Variants in SPIRE1 observed in about 807,000 individuals in gnomAD.
The protein encoded by SPIRE1 is protein spire homolog 1.
Under a neutral mutation model 94.1 loss-of-function variants are expected in SPIRE1, and 40 were observed. The observed-to-expected ratio is 0.43, with a 90% confidence interval of 0.33 to 0.55. SPIRE1 has a LOEUF of 0.55. Ranked by LOEUF, SPIRE1 falls within the 20% of genes least tolerant of loss-of-function variation. The pLI, the probability that SPIRE1 is intolerant of heterozygous loss-of-function variation, is 0.06. For synonymous variants in SPIRE1, 376 were observed against 371.7 expected (o/e 1.01, Z -0.13); for missense variants, 838 against 975.2 (o/e 0.86, Z 1.87).
At chr18:12,608,874 G>A (rs965897080) in intron 2 of SPIRE1, among the ~76,000 whole-genome samples, 1 of 152,164 alleles carries the variant, frequency 6.6e-6, no homozygotes, top group Non-Finnish European at 1.5e-5. Context: ...TCACAAAGAA[G>A]CAAAACTGAG....
At position 12,657,557 on chromosome 18, in the gene SPIRE1, C is replaced by G; in HGVS notation, c.310G>C (p.Asp104His). Reference protein sequence around the residue: ...GAVTLAPAADDAGEPPPVAGK... With the variant: ...GAVTLAPAADHAGEPPPVAGK... ...GCAACTGGGGGCGGCTCTCCCGCGT[C>G]GTCGGCCGCGGGCGCCAGGGTGACG... Residue 104 changes from aspartate (D) to histidine (H), a missense_variant, in exon 1 of 17, where the codon GAC (aspartate) becomes CAC (histidine). Physicochemically the swap from Asp to His is moderately conservative, Grantham distance 81 (BLOSUM62 -1). Coordinates refer to ENST00000409402, the MANE Select transcript of SPIRE1 (RefSeq NM_001128626.2). 8.1e-7 allele frequency: 1 copy of G among 1,235,864 alleles called. No individual in the cohort carries two copies. Among genetic ancestry groups the G allele is most frequent in the Non-Finnish European group, 1.0e-6 (1 of 990,200 alleles). The allele number at this position is 1,235,864 out of a possible 1,614,324, so 76.6% of individuals were successfully genotyped here. A position where few individuals can be genotyped will look rare whatever the true frequency, so the allele number is the denominator to read the frequency against.
At chr18:12,574,892 A>G (rs1229575885) in intron 2 of SPIRE1, among the ~76,000 whole-genome samples, 1 of 152,260 alleles carries the variant, frequency 6.6e-6, no homozygotes, top group African/African-American at 2.4e-5. Flanking sequence ...AGGCATCGTC[A>G]TATGTACTGA....
rs536133550 is a variant in SPIRE1, at chr18:12,605,420, C to T, written c.372+29642G>A. ...ACTCAGGAGGCTGAGGCAGGGGAAT[C>T]GCTTGAACCCGGCAGGCGGAGGTCG... On this transcript the variant is annotated intron_variant, in intron 2 of 16. Coordinates refer to ENST00000409402, the MANE Select transcript of SPIRE1 (RefSeq NM_001128626.2). Among the ~76,000 whole-genome samples, 161 of 152,276 alleles carry T rather than the reference C, an allele frequency of 1.1e-3. 1 individual carries two copies. In the South Asian group the frequency reaches 0.031, roughly 30 times the overall value.
At chr18:12,461,484 A>ATGTACATATGTACGTACATACATG (rs1568183909) in intron 12 of SPIRE1, among the ~76,000 whole-genome samples, 1 of 47,376 alleles carries the variant, frequency 2.1e-5, no homozygotes, top group South Asian at 1.1e-3. Flanking sequence ...GTACATACAT[A>ATGTACATATGTACGTACATACATG]TGTGTGTATG....
At chr18:12,512,150 A>T (rs1021704637) in intron 5 of SPIRE1, among the ~76,000 whole-genome samples, 5 of 152,172 alleles carry the variant, frequency 3.3e-5, no homozygotes, top group African/African-American at 9.7e-5. Flanking sequence ...GGATCACATA[A>T]GGTCAGGAGT....
At chr18:12,630,586 G>C (rs2037747424) in intron 2 of SPIRE1, among the ~76,000 whole-genome samples, 1 of 152,236 alleles carries the variant, frequency 6.6e-6, no homozygotes, top group Non-Finnish European at 1.5e-5. Context: ...TTGAACCTGG[G>C]AGGCAGAGGT....
At chr18:12,545,983 G>A (rs569824978) in intron 3 of SPIRE1, among the ~76,000 whole-genome samples, 24 of 151,484 alleles carry the variant, frequency 1.6e-4, no homozygotes, top group Non-Finnish European at 2.2e-4. Context: ...CCGAATCACC[G>A]TTCTTTATTA....
At chr18:12,514,862 A>G (rs2034149186) in intron 4 of SPIRE1, among the ~76,000 whole-genome samples, 2 of 152,218 alleles carry the variant, frequency 1.3e-5, no homozygotes, top group Non-Finnish European at 2.9e-5. Context: ...AAAGAAATGC[A>G]TTTCTAATAC....
At chr18:12,631,548 C>CA (rs869278182) in intron 2 of SPIRE1, among the ~76,000 whole-genome samples, 6,377 of 63,724 alleles carry the variant, frequency 0.1, 1,204 homozygotes, top group African/African-American at 0.18. Context: ...CCCATCTCTA[C>CA]AAAAAAAAAA....
upstream of SPIRE1, among the ~76,000 whole-genome samples, chr18:12,660,184 G>C (rs1294960108): frequency 2.0e-5 from 3 of 152,046 alleles, no homozygotes; most frequent in Non-Finnish European, 4.4e-5. Context: ...TGCTAACCCT[G>C]GCATAGAGCA....
At chr18:12,519,041 T>A (rs1375657129) in intron 4 of SPIRE1, among the ~76,000 whole-genome samples, 2 of 152,210 alleles carry the variant, frequency 1.3e-5, no homozygotes, top group Non-Finnish European at 2.9e-5. Flanking sequence ...TGTGTCAAAC[T>A]TTATGGTGCA....
At chr18:12,521,930 T>A (rs1182523542) in intron 4 of SPIRE1, among the ~76,000 whole-genome samples, 1 of 152,102 alleles carries the variant, frequency 6.6e-6, no homozygotes, top group Admixed American at 6.6e-5. Context: ...CATTCCCCCA[T>A]CTCTCTCCCT....
At chr18:12,547,134 G>A (rs1378778703) in intron 2 of SPIRE1, among the ~76,000 whole-genome samples, 1 of 152,074 alleles carries the variant, frequency 6.6e-6, no homozygotes, top group African/African-American at 2.4e-5. Flanking sequence ...AGGTATTTCT[G>A]AGAACAGATA....
intron 2 of SPIRE1, 146 bp downstream of exon 2, chr18:12,634,916 C>T: frequency 2.0e-6 from 1 of 506,932 alleles, no homozygotes; most frequent in Non-Finnish European, 3.4e-6. Context: ...GCCTGGGCGA[C>T]AAGAGCAAAA....
intron 2 of SPIRE1, among the ~76,000 whole-genome samples, chr18:12,627,071 G>A (rs2037652040): frequency 6.6e-6 from 1 of 151,748 alleles, no homozygotes; most frequent in African/African-American, 2.4e-5. Flanking sequence ...TCTTCTAATT[G>A]TAAAATTTTT....
chr18:12,532,958 A>C (rs1357509812), intron 4 of SPIRE1, among the ~76,000 whole-genome samples: 2 of 152,192 alleles, frequency 1.3e-5, no homozygotes, highest in African/African-American at 4.8e-5. Flanking sequence ...TAGCAAACCC[A>C]CCTCAATCGA....
chr18:12,507,121 C>G (rs1978653), intron 5 of SPIRE1, among the ~76,000 whole-genome samples: 26,225 of 152,046 alleles, frequency 0.17, 2,503 homozygotes, highest in African/African-American at 0.25. Context: ...AGCCTGTGGT[C>G]CCGGGATAAA....
intron 12 of SPIRE1, among the ~76,000 whole-genome samples, chr18:12,457,419 T>G (rs1187115001): frequency 6.6e-6 from 1 of 152,242 alleles, no homozygotes; most frequent in Non-Finnish European, 1.5e-5. Context: ...ATTAGCACTC[T>G]GGAATGTGGA....
chr18:12,634,780 C>G (rs1423295023), intron 2 of SPIRE1, among the ~76,000 whole-genome samples: 1 of 151,990 alleles, frequency 6.6e-6, no homozygotes, highest in East Asian at 1.9e-4. Flanking sequence ...ACTAAAAATA[C>G]AAAAATTAGC....
Sources: allele counts gnomAD v4.1 joint callset (sites outside exome capture counted in the v4.1 genomes callset), GRCh38; gene constraint gnomAD v4.1.1; transcripts MANE v1.5; gene names NCBI Gene and HGNC (gene_info 2026-07-23, HGNC 2026-07-21).